The following FOXN3 variants were observed in gnomAD, a reference collection of about 807,000 sequenced individuals.
FOXN3 encodes the protein forkhead box N3, also known as forkhead box protein N3.
FOXN3 carries 7 observed loss-of-function variants against 38.4 expected under a neutral mutation model. The ratio of observed to expected loss-of-function variants is 0.18; its 90% CI spans 0.10 to 0.34. FOXN3 has a LOEUF of 0.34. FOXN3 is among the 10% of genes least tolerant of loss of function. FOXN3 has a pLI of 1.00. For synonymous variants in FOXN3, 230 were observed against 242.2 expected, an observed-to-expected ratio of 0.95 and a Z score of 0.47; for missense variants, 456 against 613.4, an observed-to-expected ratio of 0.74 and a Z score of 2.71.
intron 1 of FOXN3, among the ~76,000 whole-genome samples, chr14:89,601,264 A>C (rs765272711): frequency 6.6e-6 from 1 of 152,228 alleles, no homozygotes; most frequent in Non-Finnish European, 1.5e-5. Context: ...GATTCAAAAC[A>C]ATGTTTTGGA....
intron 3 of FOXN3, among the ~76,000 whole-genome samples, chr14:89,304,217 T>TCGTA (rs1165868051): frequency 1.3e-5 from 2 of 152,214 alleles, no homozygotes; most frequent in Non-Finnish European, 2.9e-5. Flanking sequence ...GTAGTTCAGC[T>TCGTA]CGTAGTAAAA....
chr14:89,417,594 C>T (rs917352272), upstream of FOXN3: 29 of 395,970 alleles, frequency 7.3e-5, no homozygotes, highest in African/African-American at 5.4e-4. Flanking sequence ...GCCGGCGCTG[C>T]GCTGCTGGCA....
intron 1 of FOXN3, among the ~76,000 whole-genome samples, chr14:89,519,996 C>CTTTTCTTT: frequency 6.7e-6 from 1 of 149,942 alleles, no homozygotes; most frequent in Non-Finnish European, 1.5e-5. Context: ...CTGGGTTTTT[C>CTTTTCTTT]TTTTCTTTTT....
chr14:89,270,690 T>C (rs28527437), intron 4 of FOXN3, among the ~76,000 whole-genome samples: 14,275 of 152,212 alleles, frequency 0.094, 773 homozygotes, highest in African/African-American at 0.15. Flanking sequence ...GCACCTGCTC[T>C]TGGAGCACCT....
chr14:89,273,805 T>G (rs1377779084), intron 4 of FOXN3, among the ~76,000 whole-genome samples: 1 of 152,178 alleles, frequency 6.6e-6, no homozygotes, highest in African/African-American at 2.4e-5. Flanking sequence ...AATAATGCAG[T>G]GCAGAACAAT....
intron 3 of FOXN3, among the ~76,000 whole-genome samples, chr14:89,341,523 C>T (rs553478553): frequency 3.3e-5 from 5 of 152,332 alleles, no homozygotes; most frequent in African/African-American, 1.2e-4. Flanking sequence ...AATTATACTG[C>T]ACCTCTACTT....
rs1425200590 is a variant in FOXN3, at chr14:89,161,437, C to A, written c.*977G>T. The A allele has an allele frequency of 1.4e-5, 2 of 142,886 alleles. No homozygotes were observed. Among genetic ancestry groups the A allele is most frequent in the Non-Finnish European group, 3.0e-5 (2 of 66,442 alleles). The allele number at this position is 142,886 out of a possible 1,614,324, so 8.9% of individuals were successfully genotyped here. On this transcript the variant is annotated 3_prime_UTR_variant, in exon 6 of 6. Transcript: ENST00000557258. ...ATAGTTTTGATAGACAGAAAAAGAT[C>A]TGTACCATTATTTCCTTTCCTTAAC...
intron 3 of FOXN3, among the ~76,000 whole-genome samples, chr14:89,334,568 C>T (rs1888382909): frequency 3.8e-5 from 5 of 130,404 alleles, no homozygotes; most frequent in African/African-American, 1.3e-4. Flanking sequence ...CAAGATCATG[C>T]CACTGCACTC....
chr14:89,311,783 G>A (rs1386450965), intron 3 of FOXN3, among the ~76,000 whole-genome samples: 6 of 152,100 alleles, frequency 3.9e-5, no homozygotes, highest in East Asian at 1.9e-4. Flanking sequence ...TTGAGATCAC[G>A]CCACTGCACT....
intron 1 of FOXN3, among the ~76,000 whole-genome samples, chr14:89,440,458 A>C (rs1892358792): frequency 6.6e-6 from 1 of 152,212 alleles, no homozygotes; most frequent in Non-Finnish European, 1.5e-5. Flanking sequence ...TCACAAAAGA[A>C]GTGAATATGC....
chr14:89,172,314 G>A lies in FOXN3; in HGVS notation c.851+8387C>T, dbSNP rs118135194. ...ATGTACAGGCTGGCCTCAAACTCCCGGGCTTTAAGCAACCCTCCCGCCTCA... is the reference window on the plus strand; with the variant it reads ...ATGTACAGGCTGGCCTCAAACTCCCAGGCTTTAAGCAACCCTCCCGCCTCA... On this transcript the variant is annotated intron_variant, in intron 5 of 5. Coordinates refer to ENST00000557258, the MANE Select transcript of FOXN3 (RefSeq NM_005197.4). Among the ~76,000 whole-genome samples the A allele has an allele frequency of 8.0e-3, 1,217 of 152,186 alleles. 10 individuals are homozygous for A. The highest frequency in any genetic ancestry group is 0.016 in the African/African-American group (651 of 41,510).
At position 89,290,541 on chromosome 14, in the gene FOXN3, C is replaced by T. The variant is rs1036808351; in HGVS notation, c.681-9527G>A. 5 of 546,122 alleles carry T rather than the reference C, an allele frequency of 9.2e-6. No individual in the cohort carries two copies. In the East Asian group the frequency reaches 1.5e-4, roughly 16 times the overall value. The allele number at this position is 546,122 out of a possible 1,614,324, so 33.8% of individuals were successfully genotyped here. A position where few individuals can be genotyped will look rare whatever the true frequency, so the allele number is the denominator to read the frequency against. ...TTTCATCGGGAGAGCTGATTTTTCA[C>T]AATTGAAAATGTAAGCCACTTGTTT... is the stretch of plus-strand genomic sequence containing the variant. On this transcript the variant is annotated intron_variant, in intron 3 of 5. Transcript: ENST00000557258.
intron 1 of FOXN3, among the ~76,000 whole-genome samples, chr14:89,496,724 GC>G (rs1475244419): frequency 6.6e-6 from 1 of 152,084 alleles, no homozygotes; most frequent in African/African-American, 2.4e-5. Flanking sequence ...ATAATGACAT[GC>G]AACCATCACC....
chr14:89,347,681 C>G (rs1398221746), intron 3 of FOXN3, among the ~76,000 whole-genome samples: 1 of 152,260 alleles, frequency 6.6e-6, no homozygotes, highest in South Asian at 2.1e-4. Flanking sequence ...GGGCCGGGCG[C>G]GGTGGCTCAC....
chr14:89,396,859 T>A (rs1596250713), intron 2 of FOXN3, among the ~76,000 whole-genome samples: 1 of 145,306 alleles, frequency 6.9e-6, no homozygotes, highest in Admixed American at 6.8e-5. Flanking sequence ...AAACTTAAAA[T>A]GAGAAATATG....
chr14:89,301,274 C>A (rs1246115497), intron 3 of FOXN3, among the ~76,000 whole-genome samples: 1 of 149,866 alleles, frequency 6.7e-6, no homozygotes, highest in East Asian at 2.0e-4. Flanking sequence ...AGTTTGAGAC[C>A]AGCTTGGGTA....
At chr14:89,388,900 C>A (rs1890860488) in intron 2 of FOXN3, among the ~76,000 whole-genome samples, 1 of 151,968 alleles carries the variant, frequency 6.6e-6, no homozygotes, top group African/African-American at 2.4e-5. Flanking sequence ...AGCACAGGCC[C>A]CGCACTGTGA....
intron 1 of FOXN3, among the ~76,000 whole-genome samples, chr14:89,561,917 C>T (rs1183026606): frequency 6.6e-6 from 1 of 152,132 alleles, no homozygotes; most frequent in Non-Finnish European, 1.5e-5. Flanking sequence ...CTAGGAAAAT[C>T]AATTGTCAAC....
chr14:89,306,557 C>T lies in FOXN3; in HGVS notation c.681-25543G>A, dbSNP rs1324419480. On this transcript the variant is annotated intron_variant, in intron 3 of 5. Coordinates refer to ENST00000557258, the MANE Select transcript of FOXN3 (RefSeq NM_005197.4). ...AATTTTTTTGTATTTTTAGTAGAGA[C>T]GGGGTTTCACTGTGTTAGCCAGCAT... 5.9e-5 allele frequency among the ~76,000 whole-genome samples: 9 copies of T among 151,984 alleles called. No homozygotes were observed. The East Asian group carries it at 9.6e-4, about 16-fold the overall frequency.
Sources: gnomAD v4.1 joint callset for allele counts (sites outside exome capture counted in the v4.1 genomes callset) on GRCh38, gnomAD v4.1.1 for gene constraint, MANE v1.5 for transcripts, NCBI Gene and HGNC (gene_info 2026-07-23, HGNC 2026-07-21) for gene names.